Variants in MEPE observed in about 807,000 individuals in gnomAD.
MEPE encodes matrix extracellular phosphoglycoprotein.
A neutral mutation model predicts 7.3 loss-of-function variants in MEPE; 7 were observed. The ratio of observed to expected loss-of-function variants is 0.95; its 90% CI spans 0.54 to 1.79. The LOEUF is 1.79. Ranked by LOEUF, MEPE falls within the 40% of genes most tolerant of loss-of-function variation. MEPE has a pLI of 0.00. For synonymous variants in MEPE, 214 were observed against 213.1 expected, an observed-to-expected ratio of 1.00 and a Z score of -0.04; for missense variants, 623 against 628.2, an observed-to-expected ratio of 0.99 and a Z score of 0.09.
intron 3 of MEPE, among the ~76,000 whole-genome samples, 153 bp downstream of exon 3, chr4:87,838,838 G>T (rs1301153223): frequency 2.0e-5 from 3 of 152,192 alleles, no homozygotes; most frequent in Non-Finnish European, 4.4e-5. Flanking sequence ...AGTCAATCAG[G>T]TATTGTAACT....
Position 87,846,452 on chromosome 4 carries a change from C to T in MEPE, c.*6C>T. On this transcript the variant is annotated 3_prime_UTR_variant, in exon 4 of 4. Transcript: ENST00000361056. ...GTGAGAGCGATGGTGACTAGTCCACCAGGAGTTCCCAGCGGGGTGACAGTC... is the reference window on the plus strand; with the variant it reads ...GTGAGAGCGATGGTGACTAGTCCACTAGGAGTTCCCAGCGGGGTGACAGTC... 1 of 1,606,288 alleles carries T rather than the reference C, an allele frequency of 6.2e-7. No individual in the cohort carries two copies.
chr4:87,844,705 A>G (rs1282319525), intron 3 of MEPE, among the ~76,000 whole-genome samples: 1 of 152,100 alleles, frequency 6.6e-6, no homozygotes, highest in Middle Eastern at 3.2e-3. Context: ...CCTGTTTCCA[A>G]ACAATTGAAT....
chr4:87,836,562 T>C (rs1170948688), intron 2 of MEPE, among the ~76,000 whole-genome samples: 1 of 152,148 alleles, frequency 6.6e-6, no homozygotes, highest in African/African-American at 2.4e-5. Flanking sequence ...TTTTATATTT[T>C]TGAAGAGTGA....
At chr4:87,838,523 A>G in intron 2 of MEPE, 109 bp from the exon 3 acceptor site, 1 of 892,588 alleles carries the variant, frequency 1.1e-6, no homozygotes, top group Non-Finnish European at 1.8e-6. Flanking sequence ...GATTTTCCAC[A>G]GTGAATAATA....
chr4:87,845,796 G>C lies in MEPE; in HGVS notation c.928G>C (p.Glu310Gln). The C allele has an allele frequency of 6.2e-7, 1 of 1,614,056 alleles. No homozygotes were observed. The highest frequency in any genetic ancestry group is 8.5e-7 in the Non-Finnish European group (1 of 1,179,956). Residue 310 changes from glutamate (E) to glutamine (Q), a missense_variant, in exon 4 of 4, where the codon GAA becomes CAA. By Grantham distance (29) the Glu-to-Gln change is conservative. Coordinates refer to ENST00000361056, the MANE Select transcript of MEPE (RefSeq NM_020203.6). The part of the protein sequence containing the change: ...KPGYNEIPER[E>Q]ENGGNTIGTR... ...AGGTTATAATGAGATCCCAGAGAGA[G>C]AAGAAAATGGTGGAAATACCATTGG...
chr4:87,830,930 T>C (rs1017661515), upstream of MEPE, among the ~76,000 whole-genome samples: 1 of 152,164 alleles, frequency 6.6e-6, no homozygotes, highest in African/African-American at 2.4e-5. Flanking sequence ...GGTTTTTGTC[T>C]ATTTGGAGGG....
intron 1 of MEPE, among the ~76,000 whole-genome samples, chr4:87,827,731 A>G (rs1722504663): frequency 6.6e-6 from 1 of 152,184 alleles, no homozygotes; most frequent in Non-Finnish European, 1.5e-5. Context: ...ACATCTCTCT[A>G]ATATAAAAAT....
exon 1 of MEPE, chr4:87,821,411 ATGC>A (rs1722335515): frequency 1.3e-5 from 2 of 152,210 alleles, no homozygotes; most frequent in African/African-American, 4.8e-5. Context: ...ACATAAACAA[ATGC>A]AGTGCTCCCC....
chr4:87,844,028 T>A (rs1394416094), intron 3 of MEPE, among the ~76,000 whole-genome samples: 1 of 152,144 alleles, frequency 6.6e-6, no homozygotes, highest in Non-Finnish European at 1.5e-5. Context: ...TGACTCAGCC[T>A]CTCTTAGCTC....
Position 87,834,864 on chromosome 4 carries a change from AC to A in MEPE, c.54+98del, listed in dbSNP as rs1451035666. ...ACGTCTATTTAAATTAGTAGCATCTACCTAATTCAGTTATTTTAAAAAGAAC... is the reference window on the plus strand; with the variant it reads ...ACGTCTATTTAAATTAGTAGCATCTACTAATTCAGTTATTTTAAAAAGAAC... On this transcript the variant is annotated intron_variant, in intron 2 of 3. Transcript: ENST00000361056. 2.3e-5 allele frequency: 23 copies of A among 984,740 alleles called. No homozygotes were observed. The African/African-American group carries it at 3.3e-4, about 14-fold the overall frequency. The allele number at this position is 984,740 out of a possible 1,614,324, so 61.0% of individuals were successfully genotyped here.
chr4:87,841,720 A>G (rs1211728728), intron 3 of MEPE, among the ~76,000 whole-genome samples: 1 of 152,196 alleles, frequency 6.6e-6, no homozygotes, highest in Non-Finnish European at 1.5e-5. Flanking sequence ...AGAGAGTCCA[A>G]TCAAAATCTA....
At chr4:87,843,517 T>C (rs1195709685) in intron 3 of MEPE, among the ~76,000 whole-genome samples, 2 of 152,170 alleles carry the variant, frequency 1.3e-5, no homozygotes, top group Non-Finnish European at 2.9e-5. Context: ...TCTCCTATGT[T>C]GATTTCATAT....
At chr4:87,842,485 A>G (rs1433409521) in intron 3 of MEPE, among the ~76,000 whole-genome samples, 1 of 152,212 alleles carries the variant, frequency 6.6e-6, no homozygotes. Context: ...GGCTGTGGTC[A>G]AGGCAAGGAA....
chr4:87,846,361 C>A lies in MEPE; in HGVS notation c.1493C>A (p.Ser498Tyr). The A allele has an allele frequency of 1.9e-6, 3 of 1,614,076 alleles. No homozygotes were observed. The highest frequency in any genetic ancestry group is 1.1e-5 in the South Asian group (1 of 91,072). ...GGCTCCTGGGGTAGACAACCCCATT[C>A]CAACAGGAGGTTTAGTTCCCGTAGA... is the stretch of plus-strand genomic sequence containing the variant. ...GKGSWGRQPHSNRRFSSRRRD... is the reference protein window; with the variant it reads ...GKGSWGRQPHYNRRFSSRRRD... The change falls in exon 4 of 4, where the codon TCC becomes TAC. Residue 498 changes from serine (S) to tyrosine (Y), a missense_variant. By Grantham distance (144) the Ser-to-Tyr change is moderately radical. Transcript: ENST00000361056.
chr4:87,822,224 C>T (rs1279471929), intron 1 of MEPE, among the ~76,000 whole-genome samples: 4 of 152,146 alleles, frequency 2.6e-5, no homozygotes, highest in Admixed American at 1.3e-4. Flanking sequence ...TTTTGATTGG[C>T]GTATTATTTC....
chr4:87,824,094 T>C (rs1360673987), intron 1 of MEPE, among the ~76,000 whole-genome samples: 4 of 152,200 alleles, frequency 2.6e-5, no homozygotes, highest in Non-Finnish European at 5.9e-5. Context: ...AGAATTCATC[T>C]TATCTCTTTT....
chr4:87,839,938 C>T, intron 3 of MEPE: 14 of 1,536,082 alleles, frequency 9.1e-6, no homozygotes, highest in Non-Finnish European at 1.2e-5. Context: ...CTCCTCAAGC[C>T]TCTCTACTAC....
chr4:87,840,705 G>GA (rs1322550245), intron 3 of MEPE, among the ~76,000 whole-genome samples: 3 of 151,888 alleles, frequency 2.0e-5, no homozygotes, highest in Admixed American at 6.6e-5. Flanking sequence ...GTACCGAGAA[G>GA]AAAAAAAAGA....
Position 87,845,226 on chromosome 4 carries a change from T to C in MEPE, c.358T>C (p.Ser120Pro), listed in dbSNP as rs1723170731. ...CCTGAGGATGTCAATTTATCCTAAG[T>C]CAACTGGGAATAAAGGGTTTGAGGA... ...NGLRMSIYPK[S>P]TGNKGFEDGD... The change falls in exon 4 of 4, where the codon TCA (serine) becomes CCA (proline). Residue 120 changes from serine to proline, a missense_variant. Transcript: ENST00000361056. 2 of 1,613,938 alleles carry C rather than the reference T, an allele frequency of 1.2e-6. No individual in the cohort carries two copies. The highest frequency in any genetic ancestry group is 8.5e-7 in the Non-Finnish European group (1 of 1,179,944).
Sources: allele counts gnomAD v4.1 joint callset (sites outside exome capture counted in the v4.1 genomes callset), GRCh38; gene constraint gnomAD v4.1.1; transcripts MANE v1.5; gene names NCBI Gene and HGNC (gene_info 2026-07-23, HGNC 2026-07-21).